The following TTC12 variants were observed in gnomAD, a reference collection of about 807,000 sequenced individuals.
TTC12 encodes the protein tetratricopeptide repeat protein 12.
In TTC12, 70 loss-of-function variants were observed where a neutral mutation model predicts 90.1. That is an observed-to-expected ratio of 0.78 (90% CI 0.64 to 0.95). TTC12 has a LOEUF of 0.95. Among genes scored for constraint, TTC12 ranks in the 40% least tolerant of loss-of-function variants. TTC12 has a pLI of 0.00. For missense variants in TTC12, 819 were observed against 846.1 expected (o/e 0.97, Z 0.40); for synonymous variants, 296 against 311.5 (o/e 0.95, Z 0.53).
intron 2 of TTC12, among the ~76,000 whole-genome samples, chr11:113,320,219 G>C (rs1427699618): frequency 6.6e-6 from 1 of 152,030 alleles, no homozygotes; most frequent in South Asian, 2.1e-4. Flanking sequence ...CCCTCAAGCC[G>C]GGAGATCTGC....
At chr11:113,340,526 A>G in intron 10 of TTC12, 138 bp from the exon 11 acceptor site, 1 of 660,704 alleles carries the variant, frequency 1.5e-6, no homozygotes, top group South Asian at 1.8e-5. Flanking sequence ...TGTAAAGTTC[A>G]TTTGTTCCTG....
chr11:113,342,665 T>G (rs999266044), intron 12 of TTC12, among the ~76,000 whole-genome samples: 1 of 151,658 alleles, frequency 6.6e-6, no homozygotes, highest in Non-Finnish European at 1.5e-5. Context: ...AGATAATACC[T>G]TTTTTTTTCT....
intron 18 of TTC12, among the ~76,000 whole-genome samples, chr11:113,360,233 G>A (rs909988264): frequency 7.2e-5 from 11 of 152,068 alleles, no homozygotes; most frequent in Admixed American, 2.6e-4. Context: ...TGCTGTGTCC[G>A]TCATCTGTGG....
At chr11:113,355,702 T>G (rs1949597662) in intron 16 of TTC12, among the ~76,000 whole-genome samples, 1 of 152,230 alleles carries the variant, frequency 6.6e-6, no homozygotes, top group Admixed American at 6.5e-5. Context: ...ACTTCTTGAT[T>G]TCTGCCTTAA....
chr11:113,336,465 C>G (rs1948376387), intron 8 of TTC12, among the ~76,000 whole-genome samples: 1 of 152,118 alleles, frequency 6.6e-6, no homozygotes. Flanking sequence ...AATCCAAGGT[C>G]AGGAAGATGT....
At chr11:113,317,991 T>C (rs1947050746) in intron 2 of TTC12, among the ~76,000 whole-genome samples, 1 of 152,202 alleles carries the variant, frequency 6.6e-6, no homozygotes. Context: ...TGTGGTCTAG[T>C]GCTTAGGGTT....
intron 10 of TTC12, 27 bp downstream of exon 10, chr11:113,339,501 T>C (rs782663506): frequency 1.4e-5 from 23 of 1,587,750 alleles, no homozygotes; most frequent in Non-Finnish European, 2.0e-5. Context: ...TGTGATCTCA[T>C]GAGTGCTGTC....
chr11:113,350,197 C>A (rs1949188849), intron 14 of TTC12, 32 bp downstream of exon 14: 2 of 1,476,686 alleles, frequency 1.4e-6, no homozygotes, highest in South Asian at 2.3e-5. Context: ...ATTGACATTT[C>A]TTCTTCAGTC....
Position 113,322,890 on chromosome 11 carries a change from T to G in TTC12, c.59-398T>G, listed in dbSNP as rs141035737. Among the ~76,000 whole-genome samples the G allele has an allele frequency of 4.4e-3, 668 of 152,236 alleles. 4 individuals are homozygous for G. Among genetic ancestry groups the G allele is most frequent in the Non-Finnish European group, 4.2e-3 (288 of 68,014 alleles). ...AGGGTTAAGGGCTGCTGTTTTGCGA[T>G]TTTGAGCTGCCTGTACTTACATGTT... On this transcript the variant is annotated intron_variant, in intron 2 of 21. Coordinates refer to ENST00000529221, the MANE Select transcript of TTC12 (RefSeq NM_017868.4).
chr11:113,359,441 C>G lies in TTC12; in HGVS notation c.1525C>G (p.Gln509Glu). ...GGGACTCATGATGAACCTGTGTCTTCAGGCTCCCTTTGTCTCTGAGGTATG... is the reference window on the plus strand; with the variant it reads ...GGGACTCATGATGAACCTGTGTCTTGAGGCTCCCTTTGTCTCTGAGGTATG... The part of the protein sequence containing the change: ...LLGLMMNLCL[Q>E]APFVSEVWAV... Residue 509 changes from glutamine to glutamate, a missense_variant, in exon 17 of 22, where the codon CAG becomes GAG. Coordinates refer to ENST00000529221, the MANE Select transcript of TTC12 (RefSeq NM_017868.4). 6.2e-7 allele frequency: 1 copy of G among 1,613,062 alleles called. No homozygotes were observed. Among genetic ancestry groups the G allele is most frequent in the Non-Finnish European group, 8.5e-7 (1 of 1,179,048 alleles).
At chr11:113,333,844 CTTT>C (rs1421637889) in intron 7 of TTC12, among the ~76,000 whole-genome samples, 1 of 152,116 alleles carries the variant, frequency 6.6e-6, no homozygotes, top group Non-Finnish European at 1.5e-5. Context: ...ATTCTTCTCT[CTTT>C]TATTATTATT....
intron 2 of TTC12, among the ~76,000 whole-genome samples, chr11:113,319,717 T>G (rs1947176234): frequency 6.6e-6 from 1 of 150,814 alleles, no homozygotes; most frequent in Non-Finnish European, 1.5e-5. Flanking sequence ...CTACCTGACA[T>G]TCAAGATTTA....
intron 2 of TTC12, among the ~76,000 whole-genome samples, chr11:113,321,665 T>A (rs1351923015): frequency 6.6e-6 from 1 of 152,222 alleles, no homozygotes; most frequent in Non-Finnish European, 1.5e-5. Context: ...TCTCTGCCAC[T>A]TGAATCTGGG....
rs1294002926 is a variant in TTC12 at position 113,365,061 on chromosome 11, G to T, written c.2042+1G>T. The T allele has an allele frequency of 1.9e-6, 3 of 1,612,730 alleles. No individual in the cohort carries two copies. In the African/African-American group the frequency reaches 4.0e-5, roughly 22 times the overall value. ...GGAAGCTGTGCACAGCTGAGCCCAG[G>T]TATGCTGTGGACACGGAGCCAGGCT... is the stretch of plus-strand genomic sequence containing the variant. On this transcript the variant is annotated splice_donor_variant, in intron 21 of 21. Coordinates refer to ENST00000529221, the MANE Select transcript of TTC12 (RefSeq NM_017868.4). LOFTEE classifies it high-confidence loss of function.
chr11:113,358,334 G>A (rs1949731869), intron 16 of TTC12, among the ~76,000 whole-genome samples: 2 of 152,154 alleles, frequency 1.3e-5, no homozygotes, highest in African/African-American at 4.8e-5. Context: ...CCCAGGGGAA[G>A]CTGCAGTGTG....
chr11:113,314,911 C>G (rs1231126154), intron 1 of TTC12: 1 of 121,356 alleles, frequency 8.2e-6, no homozygotes, highest in African/African-American at 3.7e-5. Context: ...GCAGCCCTAC[C>G]GAGTGAAGCA....
At chr11:113,370,939 C>T (rs765521818), downstream of TTC12, among the ~76,000 whole-genome samples, 23 of 152,264 alleles carry the variant, frequency 1.5e-4, no homozygotes, top group Non-Finnish European at 2.8e-4. Context: ...CCTCAACTCC[C>T]CTCGGGCAAC....
In TTC12 at chr11:113,366,212, T is replaced by G. The variant is rs746460953; in HGVS notation, c.2043-13T>G. ...GCACTTATGCCCTGGGTTGTTTGTTTTGATTGTGACAGATTTGCTGCTCAA... is the reference window on the plus strand; with the variant it reads ...GCACTTATGCCCTGGGTTGTTTGTTGTGATTGTGACAGATTTGCTGCTCAA... On this transcript the variant is annotated splice_polypyrimidine_tract_variant and intron_variant, in intron 21 of 21. Transcript: ENST00000529221. 6.2e-7 allele frequency: 1 copy of G among 1,612,282 alleles called. No individual in the cohort carries two copies. Among genetic ancestry groups the G allele is most frequent in the East Asian group, 2.2e-5 (1 of 44,880 alleles).
chr11:113,316,183 C>CTGA, intron 1 of TTC12, 60 bp from the exon 2 acceptor site: 7 of 805,762 alleles, frequency 8.7e-6, no homozygotes, highest in Non-Finnish European at 1.3e-5. Flanking sequence ...GCTAATAAGC[C>CTGA]TGACCGTTCT....
Sources: gnomAD v4.1 joint callset for allele counts (sites outside exome capture counted in the v4.1 genomes callset) on GRCh38, gnomAD v4.1.1 for gene constraint, MANE v1.5 for transcripts, NCBI Gene and HGNC (gene_info 2026-07-23, HGNC 2026-07-21) for gene names.